The following TARP variants were observed in gnomAD, a reference collection of about 807,000 sequenced individuals.
the TARP span, among the ~76,000 whole-genome samples, chr7:38,270,115 A>G: frequency 2.6e-5 from 4 of 152,036 alleles, no homozygotes; most frequent in South Asian, 6.3e-4. Flanking sequence ...AATAAATGCT[A>G]TGGAAATATA....
the TARP span, chr7:38,265,627 G>A: frequency 1.9e-6 from 3 of 1,610,624 alleles, no homozygotes; most frequent in East Asian, 6.7e-5. Context: ...TTCAGCAATT[G>A]AAGGAAGAAA....
chr7:38,269,748 C>T, the TARP span, among the ~76,000 whole-genome samples: 4,450 of 151,412 alleles, frequency 0.029, 169 homozygotes, highest in East Asian at 0.14. Context: ...AGTTCAACAT[C>T]GCTACCAGCA....
the TARP span, among the ~76,000 whole-genome samples, chr7:38,270,741 G>A: frequency 4.0e-5 from 6 of 150,884 alleles, no homozygotes; most frequent in Admixed American, 6.7e-5. Context: ...TGTCTGCTGA[G>A]CATCACCATC....
the TARP span, chr7:38,269,597 T>C: frequency 1.6e-6 from 1 of 627,878 alleles, no homozygotes; most frequent in Non-Finnish European, 2.8e-6. Context: ...GTTCTTCAAA[T>C]TCTGGTGGTC....
At chr7:38,262,023 A>G in the TARP span, 2 of 715,184 alleles carry the variant, frequency 2.8e-6, no homozygotes, top group Middle Eastern at 4.9e-4. Flanking sequence ...GTTTGTTAAT[A>G]CAACTCCTAG....
chr7:38,266,586 C>T, the TARP span, among the ~76,000 whole-genome samples: 2 of 151,882 alleles, frequency 1.3e-5, no homozygotes, highest in African/African-American at 4.8e-5. Context: ...TAGGTGTGAG[C>T]CACCATGCCT....
At chr7:38,265,658 C>A in the TARP span, 7 of 1,602,378 alleles carry the variant, frequency 4.4e-6, no homozygotes, top group Non-Finnish European at 6.0e-6. Context: ...TTGGGGGAAA[C>A]ATCTGCATCA....
chr7:38,267,872 A>C, the TARP span, among the ~76,000 whole-genome samples: 2 of 151,704 alleles, frequency 1.3e-5, no homozygotes, highest in East Asian at 3.9e-4. Context: ...TGTACTAAAG[A>C]AATTAAAAAT....
chr7:38,272,468 A>G, the TARP span, among the ~76,000 whole-genome samples: 1 of 143,578 alleles, frequency 7.0e-6, no homozygotes, highest in Non-Finnish European at 1.5e-5. Flanking sequence ...AAGCAGTGTG[A>G]AGTGAAAAAG....
At chr7:38,265,104 G>T in the TARP span, among the ~76,000 whole-genome samples, 1 of 151,134 alleles carries the variant, frequency 6.6e-6, no homozygotes, top group Non-Finnish European at 1.5e-5. Context: ...AAACCAGCAC[G>T]TGACTTTCTT....
the TARP span, chr7:38,269,349 G>C: frequency 1.2e-5 from 7 of 592,076 alleles, no homozygotes; most frequent in Non-Finnish European, 2.1e-5. Context: ...ATGAGCGTTT[G>C]TTTTAAAGTC....
At chr7:38,272,339 C>T in the TARP span, among the ~76,000 whole-genome samples, 27 of 149,868 alleles carry the variant, frequency 1.8e-4, no homozygotes, top group African/African-American at 6.2e-4. Context: ...ATCTTTATAA[C>T]ATCCACTTTA....
the TARP span, chr7:38,269,416 T>C: frequency 5.8e-6 from 4 of 689,786 alleles, no homozygotes; most frequent in Non-Finnish European, 7.9e-6. Context: ...CTAAACATTA[T>C]TACATTATTC....
chr7:38,260,692 C>T, the TARP span, among the ~76,000 whole-genome samples: 1 of 151,738 alleles, frequency 6.6e-6, no homozygotes, highest in Non-Finnish European at 1.5e-5. Flanking sequence ...CAATGAGCTA[C>T]AAGAGTGAGT....
chr7:38,272,026 T>C, the TARP span, among the ~76,000 whole-genome samples: 189 of 151,478 alleles, frequency 1.2e-3, 1 homozygote, highest in Middle Eastern at 0.02. Flanking sequence ...AATTTTCTCT[T>C]GAAAATGAAA....
At chr7:38,264,277 C>T in the TARP span, among the ~76,000 whole-genome samples, 2 of 151,732 alleles carry the variant, frequency 1.3e-5, no homozygotes, top group African/African-American at 4.8e-5. Context: ...AACGTAGCTG[C>T]CTTGGGAAGC....
At chr7:38,262,116 C>G in the TARP span, 1 of 1,471,910 alleles carries the variant, frequency 6.8e-7, no homozygotes, top group South Asian at 1.1e-5. Flanking sequence ...ATTTTTCAAG[C>G]CAGAGAAGTT....
At chr7:38,268,430 C>T in the TARP span, among the ~76,000 whole-genome samples, 1 of 151,210 alleles carries the variant, frequency 6.6e-6, no homozygotes, top group African/African-American at 2.4e-5. Flanking sequence ...TTTTCATTAG[C>T]TAAATAGTTA....
the TARP span, among the ~76,000 whole-genome samples, chr7:38,273,362 G>A: frequency 2.1e-4 from 32 of 150,382 alleles, no homozygotes; most frequent in African/African-American, 7.9e-4. Flanking sequence ...ACAACATAAG[G>A]CCTCCATCCT....
Sources: allele counts gnomAD v4.1 joint callset (sites outside exome capture counted in the v4.1 genomes callset), GRCh38; gene constraint gnomAD v4.1.1; transcripts MANE v1.5.